Variants in KBTBD7 observed in about 807,000 individuals in gnomAD.
The protein encoded by KBTBD7 is kelch repeat and BTB domain containing 7, also known as kelch repeat and BTB domain-containing protein 7.
Under a neutral mutation model 50.3 loss-of-function variants are expected in KBTBD7, and 25 were observed. The observed-to-expected ratio is 0.50, with a 90% confidence interval of 0.36 to 0.69. The LOEUF is 0.69. Ranked by LOEUF, KBTBD7 falls within the 30% of genes least tolerant of loss-of-function variation. The pLI, the probability that KBTBD7 is intolerant of heterozygous loss-of-function variation, is 0.00. For missense variants in KBTBD7, 653 were observed against 869.5 expected, an observed-to-expected ratio of 0.75 and a Z score of 3.13; for synonymous variants, 305 against 325.3, an observed-to-expected ratio of 0.94 and a Z score of 0.67.
Position 41,192,059 on chromosome 13 carries a change from C to G in KBTBD7, c.*144G>C. Reference sequence around the variant, plus strand: ...TAAACAGGTCGATTTCATGGACTGTCTAAACCTTGTAGTATTTCAAAATAT... The same window carrying G: ...TAAACAGGTCGATTTCATGGACTGTGTAAACCTTGTAGTATTTCAAAATAT... On this transcript the variant is annotated 3_prime_UTR_variant, in exon 1 of 1. Transcript: ENST00000379483. The G allele has an allele frequency of 1.3e-6, 1 of 746,226 alleles. No individual in the cohort carries two copies. Among genetic ancestry groups the G allele is most frequent in the African/African-American group, 1.8e-5 (1 of 56,800 alleles). The allele number at this position is 746,226 out of a possible 1,614,324, so 46.2% of individuals were successfully genotyped here.
rs143229144 is a variant in KBTBD7, at chr13:41,192,603, A to G, written c.1655T>C (p.Leu552Ser). The change falls in exon 1 of 1, where the codon TTG becomes TCG. Residue 552 changes from leucine (L) to serine (S), a missense_variant. Physicochemically the swap from Leu to Ser is moderately radical, Grantham distance 145 (BLOSUM62 -2). Coordinates refer to ENST00000379483, the MANE Select transcript of KBTBD7 (RefSeq NM_032138.7). ...GEWRRISNIP[L>S]DSETHNYQIV... ...CTGGTAGTTGTGGGTCTCTGAATCC[A>G]AAGGAATATTACTAATCCGCCTCCA... 1.1e-5 allele frequency: 17 copies of G among 1,614,090 alleles called. No homozygotes were observed. The highest frequency in any genetic ancestry group is 1.4e-5 in the Non-Finnish European group (17 of 1,180,044).
In KBTBD7 at chr13:41,192,864, GC is replaced by G; in HGVS notation, c.1393del (p.Ala465HisfsTer16). On this transcript the variant is annotated frameshift_variant, in exon 1 of 1. Transcript: ENST00000379483. LOFTEE classifies it high-confidence loss of function. ...GGAATGAGGGACAGGAGCCACCAAT[GC>G]CCACTGGTTTCTCTGAACACTGTAG... ...ECYSVQRNQWALVAPVPHSFY... is the reference protein window; with the variant it reads ...ECYSVQRNQWXLVAPVPHSFY... The G allele has an allele frequency of 6.2e-7, 1 of 1,614,188 alleles. No homozygotes were observed. Among genetic ancestry groups the G allele is most frequent in the Non-Finnish European group, 8.5e-7 (1 of 1,180,026 alleles).
chr13:41,194,005 T>C lies in KBTBD7; in HGVS notation c.253A>G (p.Asn85Asp). ...GPGTGRLFSC[N>D]RNVLAAACPY... is the part of the protein sequence containing the mutation. Reference sequence around the variant, plus strand: ...CACGCAGCTGCTAGCACGTTGCGATTGCAGGAAAAGAGGCGACCCGTGCCA... The same window carrying C: ...CACGCAGCTGCTAGCACGTTGCGATCGCAGGAAAAGAGGCGACCCGTGCCA... Residue 85 changes from asparagine (N) to aspartate (D), a missense_variant, in exon 1 of 1, where the codon AAT becomes GAT. Asn to Asp is a conservative substitution (Grantham distance 23). Coordinates refer to ENST00000379483, the MANE Select transcript of KBTBD7 (RefSeq NM_032138.7). 6.2e-7 allele frequency: 1 copy of C among 1,614,216 alleles called. No individual in the cohort carries two copies. Among genetic ancestry groups the C allele is most frequent in the Non-Finnish European group, 8.5e-7 (1 of 1,180,040 alleles).
In KBTBD7 at chr13:41,191,552, C is replaced by CTTTTTTTTTT. The variant is rs1206275963; in HGVS notation, c.*641_*650dup. 1.2e-3 allele frequency: 60 copies of CTTTTTTTTTT among 50,788 alleles called. No homozygotes were observed. The highest frequency in any genetic ancestry group is 1.8e-3 in the African/African-American group (44 of 24,334). 3.1% of individuals were successfully genotyped at this position (50,788 alleles called of 1,614,324 possible). On this transcript the variant is annotated 3_prime_UTR_variant, in exon 1 of 1. Coordinates refer to ENST00000379483, the MANE Select transcript of KBTBD7 (RefSeq NM_032138.7). ...TAAAACAGTGGAATCCTGATTTTTT[C>CTTTTTTTTTT]TTTTTTTTTTTTTTTTTTTTTACTT...
At position 41,194,232 on chromosome 13, in the gene KBTBD7, C is replaced by A; in HGVS notation, c.26G>T (p.Arg9Leu). The change falls in exon 1 of 1, where the codon CGC (arginine) becomes CTC (leucine). Residue 9 changes from arginine (R) to leucine (L), a missense_variant. Physicochemically the swap from Arg to Leu is moderately radical, Grantham distance 102. This residue lies in a region of KBTBD7 where 119 missense variants were observed against 125.0 expected (regional missense o/e 0.95). Transcript: ENST00000379483. ...ACGGGGACTGGCGAGGCGGCGAGAG[C>A]GCGGGACGTCTTCCCGGGACTGCAT... MQSREDVP[R>L]SRRLASPRGG... 1 of 1,614,012 alleles carries A rather than the reference C, an allele frequency of 6.2e-7. No individual in the cohort carries two copies. Among genetic ancestry groups the A allele is most frequent in the Non-Finnish European group, 8.5e-7 (1 of 1,179,986 alleles).
In KBTBD7 at chr13:41,192,254, C is replaced by T. The variant is rs2031408527; in HGVS notation, c.2004G>A (p.Trp668Ter). ...CATTTCGCTGAGGTGCTACTTGCAC[C>T]CAGACTTCATCATCTGAAAAAGAAC... ...SSSSFSDDEV[W>*]VQVAPQRNAQ... Residue 668 changes from tryptophan to a stop codon, truncating the protein, a stop_gained, in exon 1 of 1, where the codon TGG (tryptophan) becomes TGA (stop). Coordinates refer to ENST00000379483, the MANE Select transcript of KBTBD7 (RefSeq NM_032138.7). LOFTEE classifies it high-confidence loss of function. 1 of 1,614,014 alleles carries T rather than the reference C, an allele frequency of 6.2e-7. No homozygotes were observed. Among genetic ancestry groups the T allele is most frequent in the Non-Finnish European group, 8.5e-7 (1 of 1,179,976 alleles).
In KBTBD7 at chr13:41,193,601, C is replaced by T; in HGVS notation, c.657G>A (p.Leu219=). The change falls in exon 1 of 1, where the codon CTG becomes CTA. Residue 219 remains leucine (L), a synonymous_variant. Coordinates refer to ENST00000379483, the MANE Select transcript of KBTBD7 (RefSeq NM_032138.7). This position sits in a 1 kb window ranked among gnomAD's most constrained non-coding sequence, Gnocchi z 5.7. ...IREETLADLT[L]AQLLAVLRLD... ...GGCGTAGGACAGCCAGCAGCTGGGC[C>T]AGGGTTAGATCTGCTAGAGTCTCCT... The T allele has an allele frequency of 6.2e-7, 1 of 1,614,200 alleles. No individual in the cohort carries two copies. The highest frequency in any genetic ancestry group is 8.5e-7 in the Non-Finnish European group (1 of 1,180,046).
Position 41,192,557 on chromosome 13 carries a change from C to G in KBTBD7, c.1701G>C (p.Lys567Asn). 1 of 1,614,178 alleles carries G rather than the reference C, an allele frequency of 6.2e-7. No homozygotes were observed. The highest frequency in any genetic ancestry group is 1.1e-5 in the South Asian group (1 of 91,080). Residue 567 changes from lysine to asparagine, a missense_variant, in exon 1 of 1, where the codon AAG (lysine) becomes AAC (asparagine). By Grantham distance (94) the Lys-to-Asn change is moderately conservative. This residue lies in a region of KBTBD7 where 526 missense variants were observed against 717.1 expected (regional missense o/e 0.73). Coordinates refer to ENST00000379483, the MANE Select transcript of KBTBD7 (RefSeq NM_032138.7). ...GGGTTGTAGAAGTGATGAGAAGCAA[C>G]TTTTGGTCATGATTGACAATCTGGT... ...HNYQIVNHDQKLLLITSTTPQ... is the reference protein window; with the variant it reads ...HNYQIVNHDQNLLLITSTTPQ...
In KBTBD7 at chr13:41,193,988, T is replaced by A; in HGVS notation, c.270A>T (p.Ala90=). ...TGCTCTTGAAGTAGGGACACGCAGC[T>A]GCTAGCACGTTGCGATTGCAGGAAA... ...RLFSCNRNVL[A]AACPYFKSMF... Residue 90 remains alanine, a synonymous_variant, in exon 1 of 1, where the codon GCA becomes GCT. Coordinates refer to ENST00000379483, the MANE Select transcript of KBTBD7 (RefSeq NM_032138.7). The surrounding 1 kb of genome is among the most constrained non-coding windows in gnomAD (Gnocchi z 5.7). 2 of 1,614,154 alleles carry A rather than the reference T, an allele frequency of 1.2e-6. No homozygotes were observed. The highest frequency in any genetic ancestry group is 2.2e-5 in the East Asian group (1 of 44,884).
Position 41,192,892 on chromosome 13 carries a change from A to G in KBTBD7, c.1366T>C (p.Cys456Arg). Residue 456 changes from cysteine to arginine, a missense_variant, in exon 1 of 1, where the codon TGC becomes CGC. By Grantham distance (180) the Cys-to-Arg change is radical. Around this residue, in one of 3 missense-constraint regions of KBTBD7, gnomAD observed 526 missense variants for 717.1 expected, o/e 0.73. Transcript: ENST00000379483. ...CACTGGTTTCTCTGAACACTGTAGCATTCCACTTCCTTCAACTTAACTCCA... is the reference window on the plus strand; with the variant it reads ...CACTGGTTTCTCTGAACACTGTAGCGTTCCACTTCCTTCAACTTAACTCCA... ...ITGVKLKEVE[C>R]YSVQRNQWAL... The G allele has an allele frequency of 1.2e-6, 2 of 1,614,226 alleles. No homozygotes were observed. The highest frequency in any genetic ancestry group is 1.1e-5 in the South Asian group (1 of 91,086).
rs2031369776 is a variant in KBTBD7, at chr13:41,191,011, G to A, written c.*1192C>T. 1 of 152,108 alleles carries A rather than the reference G, an allele frequency of 6.6e-6. No individual in the cohort carries two copies. The highest frequency in any genetic ancestry group is 1.5e-5 in the Non-Finnish European group (1 of 67,988). 9.4% of individuals were successfully genotyped at this position (152,108 alleles called of 1,614,324 possible). On this transcript the variant is annotated 3_prime_UTR_variant, in exon 1 of 1. Coordinates refer to ENST00000379483, the MANE Select transcript of KBTBD7 (RefSeq NM_032138.7). Reference sequence around the variant, plus strand: ...CTTACAAAATGGACAATATTCCAATGCTACACAAAACGGTTCTATAATACA... The same window carrying A: ...CTTACAAAATGGACAATATTCCAATACTACACAAAACGGTTCTATAATACA...
At position 41,193,121 on chromosome 13, in the gene KBTBD7, A is replaced by C. The variant is rs1450649272; in HGVS notation, c.1137T>G (p.Thr379=). The C allele has an allele frequency of 6.2e-7, 1 of 1,614,232 alleles. No individual in the cohort carries two copies. The highest frequency in any genetic ancestry group is 1.7e-5 in the Admixed American group (1 of 60,032). ...AGACAGCTGAGGAGGTGACAGTCTT[A>C]GTGTGAGCAAAGCTGGTCAAAGGGG... ...MPSPLTSFAH[T]KTVTSSAVCV... The change falls in exon 1 of 1, where the codon ACT becomes ACG. Residue 379 remains threonine, a synonymous_variant. Coordinates refer to ENST00000379483, the MANE Select transcript of KBTBD7 (RefSeq NM_032138.7). This position sits in a 1 kb window ranked among gnomAD's most constrained non-coding sequence, Gnocchi z 5.7.
rs200596787 is a variant in KBTBD7 at position 41,192,681 on chromosome 13, T to C, written c.1577A>G (p.Tyr526Cys). The C allele has an allele frequency of 5.9e-5, 96 of 1,614,046 alleles. No individual in the cohort carries two copies. Among genetic ancestry groups the C allele is most frequent in the Non-Finnish European group, 7.5e-5 (89 of 1,180,044 alleles). The part of the protein sequence containing the change: ...QEACVFNDEI[Y>C]CICDIPVMKV... The stretch of plus-strand genomic sequence containing the variant: ...CATGACTGGGATGTCACAGATACAA[T>C]AGATTTCATCATTGAAGACACATGC... The change falls in exon 1 of 1, where the codon TAT becomes TGT. Residue 526 changes from tyrosine (Y) to cysteine (C), a missense_variant. Around this residue, in one of 3 missense-constraint regions of KBTBD7, gnomAD observed 526 missense variants for 717.1 expected, o/e 0.73. Transcript: ENST00000379483.
rs2031479096 is a variant in KBTBD7 at position 41,194,332 on chromosome 13, C to T, written c.-75G>A. 2 of 1,545,902 alleles carry T rather than the reference C, an allele frequency of 1.3e-6. No individual in the cohort carries two copies. The highest frequency in any genetic ancestry group is 8.7e-7 in the Non-Finnish European group (1 of 1,145,972). ...CTCTGGCTCCTCCTCAACCTTCCCT[C>T]GCTGACGCTAAGACAAGCCGCGTCC... On this transcript the variant is annotated 5_prime_UTR_variant, in exon 1 of 1. Coordinates refer to ENST00000379483, the MANE Select transcript of KBTBD7 (RefSeq NM_032138.7).
rs1053796430 is a variant in KBTBD7, at chr13:41,193,834, G to C, written c.424C>G (p.Gln142Glu). ...GRVSLSEANV[Q>E]RLYAASDMLQ... ...ATGTCGGAGGCCGCGTACAGGCGCT[G>C]CACATTGGCCTCACTGAGAGACACA... The change falls in exon 1 of 1, where the codon CAG becomes GAG. Residue 142 changes from glutamine (Q) to glutamate (E), a missense_variant. Physicochemically the swap from Gln to Glu is conservative, Grantham distance 29. Around this residue, in one of 3 missense-constraint regions of KBTBD7, gnomAD observed 526 missense variants for 717.1 expected, o/e 0.73. Transcript: ENST00000379483. This position sits in a 1 kb window ranked among gnomAD's most constrained non-coding sequence, Gnocchi z 5.7. The C allele has an allele frequency of 1.1e-4, 170 of 1,613,956 alleles. No individual in the cohort carries two copies. Among genetic ancestry groups the C allele is most frequent in the Admixed American group, 2.8e-4 (17 of 60,008 alleles).
rs1206275963 is a variant in KBTBD7, at chr13:41,191,552, C to CTTTTTTTTTTT, written c.*640_*650dup. ...TAAAACAGTGGAATCCTGATTTTTTCTTTTTTTTTTTTTTTTTTTTTACTT... is the reference window on the plus strand; with the variant it reads ...TAAAACAGTGGAATCCTGATTTTTTCTTTTTTTTTTTTTTTTTTTTTTTTTTTTTTTTACTT... On this transcript the variant is annotated 3_prime_UTR_variant, in exon 1 of 1. Coordinates refer to ENST00000379483, the MANE Select transcript of KBTBD7 (RefSeq NM_032138.7). The CTTTTTTTTTTT allele has an allele frequency of 5.7e-4, 29 of 50,796 alleles. No individual in the cohort carries two copies. Among genetic ancestry groups the CTTTTTTTTTTT allele is most frequent in the Middle Eastern group, 0.011 (1 of 88 alleles). The allele number at this position is 50,796 out of a possible 1,614,324, so 3.1% of individuals were successfully genotyped here. A position where few individuals can be genotyped will look rare whatever the true frequency, so the allele number is the denominator to read the frequency against.
In KBTBD7 at chr13:41,192,842, A is replaced by C; in HGVS notation, c.1416T>G (p.His472Gln). The C allele has an allele frequency of 6.2e-7, 1 of 1,614,262 alleles. No individual in the cohort carries two copies. Among genetic ancestry groups the C allele is most frequent in the Non-Finnish European group, 8.5e-7 (1 of 1,180,044 alleles). Reference sequence around the variant, plus strand: ...CTATGAGTTCAAAGGAATAGAAGGAATGAGGGACAGGAGCCACCAATGCCC... The same window carrying C: ...CTATGAGTTCAAAGGAATAGAAGGACTGAGGGACAGGAGCCACCAATGCCC... The part of the protein sequence containing the change: ...NQWALVAPVP[H>Q]SFYSFELIVV... Residue 472 changes from histidine to glutamine, a missense_variant, in exon 1 of 1, where the codon CAT (histidine) becomes CAG (glutamine). By Grantham distance (24) the His-to-Gln change is conservative. Around this residue, in one of 3 missense-constraint regions of KBTBD7, gnomAD observed 526 missense variants for 717.1 expected, o/e 0.73. Transcript: ENST00000379483.
chr13:41,193,488 C>G lies in KBTBD7; in HGVS notation c.770G>C (p.Ser257Thr). The change falls in exon 1 of 1, where the codon AGT becomes ACT. Residue 257 changes from serine (S) to threonine (T), a missense_variant. By Grantham distance (58) the Ser-to-Thr change is moderately conservative (BLOSUM62 1). This residue lies in a region of KBTBD7 where 526 missense variants were observed against 717.1 expected (regional missense o/e 0.73). Transcript: ENST00000379483. The surrounding 1 kb of genome is among the most constrained non-coding windows in gnomAD (Gnocchi z 5.7). ...CACGCACTTGAAGACTTCTGCAGCA[C>G]TGGGACCCCGCTCTTTGGCAGCAGC... ...LEAAAKERGP[S>T]AAEVFKCVRW... 6.2e-7 allele frequency: 1 copy of G among 1,614,204 alleles called. No individual in the cohort carries two copies. The highest frequency in any genetic ancestry group is 2.2e-5 in the East Asian group (1 of 44,880).
In KBTBD7 at chr13:41,192,965, T is replaced by A. The variant is rs2031430156; in HGVS notation, c.1293A>T (p.Ala431=). The part of the protein sequence containing the change: ...RLLCREGMDV[A]YLNGYIYILG... ...AAATGTAGATGTAGCCATTGAGATATGCCACATCCATGCCCTCACGACACA... is the reference window on the plus strand; with the variant it reads ...AAATGTAGATGTAGCCATTGAGATAAGCCACATCCATGCCCTCACGACACA... The change falls in exon 1 of 1, where the codon GCA becomes GCT. Residue 431 remains alanine, a synonymous_variant. Transcript: ENST00000379483. 1 of 1,614,180 alleles carries A rather than the reference T, an allele frequency of 6.2e-7. No individual in the cohort carries two copies.
Sources: gnomAD v4.1 joint callset for allele counts on GRCh38, gnomAD v4.1.1 for gene constraint, gnomAD v4.1.1 regional missense constraint, Gnocchi (gnomAD v3.1) non-coding constraint, MANE v1.5 for transcripts, NCBI Gene and HGNC (gene_info 2026-07-23, HGNC 2026-07-21) for gene names.